KLHL1: variants seen among roughly 807,000 people sequenced by gnomAD.
KLHL1 encodes kelch-like protein 1.
KLHL1 carries 47 observed loss-of-function variants against 77.7 expected under a neutral mutation model. The observed-to-expected ratio is 0.60, with a 90% CI of 0.48 to 0.77. The LOEUF (loss-of-function observed/expected upper bound fraction) is 0.77, where lower values mean the gene tolerates loss of function less well. Ranked by LOEUF, KLHL1 falls within the 30% of genes least tolerant of loss-of-function variation. The pLI is 0.00. For missense variants in KLHL1, 925 were observed against 910.8 expected (o/e 1.02, Z -0.20); for synonymous variants, 360 against 325.2 (o/e 1.11, Z -1.15).
chr13:70,079,325 T>C (rs1431847972), intron 1 of KLHL1, among the ~76,000 whole-genome samples: 3 of 152,144 alleles, frequency 2.0e-5, no homozygotes, highest in East Asian at 3.9e-4. Flanking sequence ...CATTTACCAA[T>C]TGTTACAGTT....
At chr13:69,925,481 A>G (rs1489624469) in intron 4 of KLHL1, among the ~76,000 whole-genome samples, 1 of 152,212 alleles carries the variant, frequency 6.6e-6, no homozygotes, top group Non-Finnish European at 1.5e-5. Context: ...GTTAAGAAAT[A>G]TTATGCAGCT....
At chr13:69,965,612 T>A (rs1362428335) in intron 2 of KLHL1, among the ~76,000 whole-genome samples, 1 of 152,124 alleles carries the variant, frequency 6.6e-6, no homozygotes, top group Non-Finnish European at 1.5e-5. Flanking sequence ...AAGCTAGAAA[T>A]GATTAAGTTT....
At chr13:69,808,594 A>G (rs1790821242) in intron 6 of KLHL1, among the ~76,000 whole-genome samples, 1 of 152,172 alleles carries the variant, frequency 6.6e-6, no homozygotes, top group South Asian at 2.1e-4. Context: ...CAAATTAAAA[A>G]AGAAATACAA....
intron 1 of KLHL1, among the ~76,000 whole-genome samples, chr13:70,055,121 A>G (rs547095143): frequency 1.4e-4 from 22 of 152,176 alleles, no homozygotes; most frequent in African/African-American, 5.3e-4. Flanking sequence ...ATCTCAAGAC[A>G]TTTATTAACC....
intron 4 of KLHL1, among the ~76,000 whole-genome samples, chr13:69,930,799 T>C (rs748861070): frequency 2.6e-5 from 4 of 151,706 alleles, no homozygotes; most frequent in Non-Finnish European, 5.9e-5. Context: ...ATTATAGAAT[T>C]CATTCCTTAA....
chr13:69,898,477 C>T (rs1241187506), intron 4 of KLHL1, among the ~76,000 whole-genome samples: 1 of 152,128 alleles, frequency 6.6e-6, no homozygotes, highest in Non-Finnish European at 1.5e-5. Context: ...CACTAGGATG[C>T]AGGGAAACAA....
chr13:69,988,790 A>G (rs758639059), intron 1 of KLHL1, among the ~76,000 whole-genome samples: 2 of 151,934 alleles, frequency 1.3e-5, no homozygotes, highest in Non-Finnish European at 2.9e-5. Context: ...GTCTTTGCCC[A>G]CTTTTTAATG....
chr13:69,823,402 G>T (rs140803153), intron 6 of KLHL1, among the ~76,000 whole-genome samples: 133 of 152,084 alleles, frequency 8.7e-4, no homozygotes, highest in African/African-American at 3.1e-3. Context: ...GGTATTTGGG[G>T]TTGTTGGTGA....
chr13:69,800,470 A>G (rs1877328594), intron 6 of KLHL1, among the ~76,000 whole-genome samples: 1 of 152,178 alleles, frequency 6.6e-6, no homozygotes, highest in African/African-American at 2.4e-5. Flanking sequence ...ATACAAAATG[A>G]AAAAGGATAT....
intron 7 of KLHL1, among the ~76,000 whole-genome samples, chr13:69,760,050 G>A (rs1874946881): frequency 6.6e-6 from 1 of 152,058 alleles, no homozygotes; most frequent in Non-Finnish European, 1.5e-5. Context: ...TTTTACAAAA[G>A]GTTTTTAAAT....
intron 6 of KLHL1, among the ~76,000 whole-genome samples, chr13:69,813,665 A>G (rs1156350367): frequency 6.6e-6 from 1 of 152,152 alleles, no homozygotes; most frequent in Non-Finnish European, 1.5e-5. Flanking sequence ...CCACAAAAAA[A>G]TAAAATACCT....
At chr13:70,083,175 T>C (rs1033130094) in intron 1 of KLHL1, among the ~76,000 whole-genome samples, 2 of 152,184 alleles carry the variant, frequency 1.3e-5, no homozygotes, top group African/African-American at 4.8e-5. Flanking sequence ...AGTGAGCATT[T>C]AAACTGCTAA....
intron 4 of KLHL1, among the ~76,000 whole-genome samples, chr13:69,929,165 G>T (rs569338000): frequency 6.6e-6 from 1 of 151,946 alleles, no homozygotes; most frequent in African/African-American, 2.4e-5. Context: ...CCATTTTGGC[G>T]ATCTTAAACA....
intron 1 of KLHL1, among the ~76,000 whole-genome samples, chr13:70,007,786 C>T (rs908986737): frequency 5.9e-5 from 9 of 151,808 alleles, no homozygotes; most frequent in Non-Finnish European, 1.0e-4. Flanking sequence ...AAAACAAATA[C>T]AAACACAGAG....
chr13:69,737,841 C>T (rs74090435), intron 8 of KLHL1, among the ~76,000 whole-genome samples: 7,318 of 152,186 alleles, frequency 0.048, 541 homozygotes, highest in African/African-American at 0.16. Context: ...GCAGCCCAGA[C>T]GAGGGGGATT....
intron 9 of KLHL1, among the ~76,000 whole-genome samples, chr13:69,715,489 T>C (rs1876076869): frequency 6.6e-6 from 1 of 150,458 alleles, no homozygotes. Context: ...CCTCTTTTCT[T>C]TATAAATTAC....
At chr13:69,883,229 T>A (rs1438798712) in intron 4 of KLHL1, among the ~76,000 whole-genome samples, 1 of 152,212 alleles carries the variant, frequency 6.6e-6, no homozygotes, top group Non-Finnish European at 1.5e-5. Context: ...TTGTTTTGTT[T>A]TATTATTTCT....
chr13:69,759,521 T>A (rs1874919641), intron 7 of KLHL1, among the ~76,000 whole-genome samples: 1 of 152,176 alleles, frequency 6.6e-6, no homozygotes, highest in Non-Finnish European at 1.5e-5. Flanking sequence ...TTATCTTAGA[T>A]CACATAGAAA....
chr13:69,991,679 A>T (rs2137313630), intron 1 of KLHL1, among the ~76,000 whole-genome samples: 1 of 151,546 alleles, frequency 6.6e-6, no homozygotes, highest in African/African-American at 2.4e-5. Context: ...TATCAACCAA[A>T]AAAAAAAAGC....
Sources: gnomAD v4.1 joint callset for allele counts (sites outside exome capture counted in the v4.1 genomes callset) on GRCh38, gnomAD v4.1.1 for gene constraint, MANE v1.5 for transcripts, NCBI Gene and HGNC (gene_info 2026-07-23, HGNC 2026-07-21) for gene names.